ZNF236: variants seen among roughly 807,000 people sequenced by gnomAD.
The protein encoded by ZNF236 is regulated by glucose.
ZNF236 carries 50 observed loss-of-function variants against 191.2 expected under a neutral mutation model. The observed-to-expected ratio is 0.26, with a 90% CI of 0.21 to 0.33. The LOEUF (loss-of-function observed/expected upper bound fraction) is 0.33. ZNF236 is among the 10% of genes least tolerant of loss of function. The probability of loss-of-function intolerance (pLI) is 1.00; values close to 1 mark genes in which losing one functional copy is unlikely to be tolerated. For missense variants in ZNF236, 1,754 were observed against 2,374.5 expected, an observed-to-expected ratio of 0.74 and a Z score of 5.43; for synonymous variants, 907 against 928.8, an observed-to-expected ratio of 0.98 and a Z score of 0.43.
intron 3 of ZNF236, among the ~76,000 whole-genome samples, chr18:76,865,075 G>A (rs566806195): frequency 3.3e-4 from 50 of 152,300 alleles, no homozygotes; most frequent in Non-Finnish European, 6.0e-4. Context: ...GGTGGCTCAC[G>A]CCTGTAATCC....
In ZNF236 at chr18:76,895,104, C is replaced by G; in HGVS notation, c.1509C>G (p.Ile503Met). The G allele has an allele frequency of 6.2e-7, 1 of 1,611,988 alleles. No homozygotes were observed. Among genetic ancestry groups the G allele is most frequent in the Non-Finnish European group, 8.5e-7 (1 of 1,180,024 alleles). ...AGCCCAGCGACCTGGTCCGCCACAT[C>G]CGCATCCACACCCACGAGAAGCCCT... is the stretch of plus-strand genomic sequence containing the variant. ...FRKPSDLVRH[I>M]RIHTHEKPFK... is the part of the protein sequence containing the mutation. The change falls in exon 10 of 31, where the codon ATC becomes ATG. Residue 503 changes from isoleucine (I) to methionine (M), a missense_variant. Ile to Met is a conservative substitution (Grantham distance 10, BLOSUM62 1). Coordinates refer to ENST00000320610, the MANE Select transcript of ZNF236 (RefSeq NM_001306089.2).
intron 1 of ZNF236, among the ~76,000 whole-genome samples, chr18:76,823,740 G>T (rs1974934379): frequency 1.3e-5 from 2 of 152,248 alleles, no homozygotes; most frequent in Non-Finnish European, 2.9e-5. Flanking sequence ...CAAAGCCCCA[G>T]CCCGGAGCTT....
chr18:76,904,037 G>T (rs1977673088), intron 11 of ZNF236, among the ~76,000 whole-genome samples: 1 of 150,446 alleles, frequency 6.6e-6, no homozygotes, highest in African/African-American at 2.5e-5. Context: ...GAAAGTAAAT[G>T]TAGAAATTCA....
intron 25 of ZNF236, among the ~76,000 whole-genome samples, chr18:76,935,311 T>G (rs1412383589): frequency 6.6e-6 from 1 of 152,258 alleles, no homozygotes; most frequent in Admixed American, 6.5e-5. Context: ...TATTAAAGGT[T>G]CACTGTTTGA....
chr18:76,840,622 A>ATTTTTT (rs10659204), intron 1 of ZNF236, among the ~76,000 whole-genome samples: 2 of 115,482 alleles, frequency 1.7e-5, no homozygotes, highest in Non-Finnish European at 1.7e-5. Context: ...GTAAAGGTGA[A>ATTTTTT]TTTTTTTTTT....
At chr18:76,890,879 A>G (rs522657) in intron 9 of ZNF236, among the ~76,000 whole-genome samples, 64,115 of 151,894 alleles carry the variant, frequency 0.42, 13,620 homozygotes, top group East Asian at 0.53. Flanking sequence ...CTGCCACCCC[A>G]AGAGAGCAAG....
At chr18:76,860,708 C>G (rs894139083) in intron 3 of ZNF236, among the ~76,000 whole-genome samples, 10 of 152,222 alleles carry the variant, frequency 6.6e-5, no homozygotes, top group African/African-American at 2.4e-4. Flanking sequence ...TCGTCTCTTG[C>G]TGTTGTGGTT....
chr18:76,877,416 G>C lies in ZNF236; in HGVS notation c.841-593G>C, dbSNP rs192146318. On this transcript the variant is annotated intron_variant, in intron 6 of 30. Coordinates refer to ENST00000320610, the MANE Select transcript of ZNF236 (RefSeq NM_001306089.2). ...CCAGCTACTTGGGAGGCTGAGGCAG[G>C]AGAATCACTTGACCTGGGAGGTAGA... 8.9e-4 allele frequency among the ~76,000 whole-genome samples: 136 copies of C among 152,040 alleles called. 1 individual carries two copies. The highest frequency in any genetic ancestry group is 2.9e-3 in the African/African-American group (119 of 41,468).
intron 27 of ZNF236, among the ~76,000 whole-genome samples, chr18:76,948,784 T>C (rs2122923472): frequency 6.6e-6 from 1 of 152,256 alleles, no homozygotes; most frequent in Non-Finnish European, 1.5e-5. Flanking sequence ...GCCCGCGTGG[T>C]TGGGCTTAGC....
At chr18:76,950,147 T>G (rs1048767934) in intron 27 of ZNF236, among the ~76,000 whole-genome samples, 2 of 152,176 alleles carry the variant, frequency 1.3e-5, no homozygotes, top group South Asian at 2.1e-4. Context: ...TGACGATTTC[T>G]TAAAATAAGA....
chr18:76,827,817 T>G (rs1975059167), intron 1 of ZNF236, among the ~76,000 whole-genome samples: 1 of 152,176 alleles, frequency 6.6e-6, no homozygotes, highest in African/African-American at 2.4e-5. Flanking sequence ...ATGAGTGAGA[T>G]ATGCTTTTTT....
chr18:76,871,726 C>T lies in ZNF236; in HGVS notation c.568C>T (p.Arg190Trp), dbSNP rs777645762. 13 of 1,613,992 alleles carry T rather than the reference C, an allele frequency of 8.1e-6. No individual in the cohort carries two copies. The highest frequency in any genetic ancestry group is 1.1e-5 in the South Asian group (1 of 91,090). Residue 190 changes from arginine (R) to tryptophan (W), a missense_variant, in exon 5 of 31, where the codon CGG (arginine) becomes TGG (tryptophan). Around this residue, in one of 5 missense-constraint regions of ZNF236, gnomAD observed 336 missense variants for 495.1 expected, o/e 0.68. Transcript: ENST00000320610. ...GGTATCAAGTACAAGGTCTTATAAC[C>T]GGAATATCGACAGAAGTGGATTCAC... ...IRVSSTRSYN[R>W]NIDRSGFTYS...
At chr18:76,924,599 T>C (rs1316710527) in intron 21 of ZNF236, among the ~76,000 whole-genome samples, 1 of 152,226 alleles carries the variant, frequency 6.6e-6, no homozygotes, top group Non-Finnish European at 1.5e-5. Context: ...GAGCCTATGC[T>C]CATGGTGCTC....
chr18:76,871,628 A>G, intron 4 of ZNF236, 73 bp from the exon 5 acceptor site: 1 of 1,584,516 alleles, frequency 6.3e-7, no homozygotes, highest in East Asian at 2.3e-5. Context: ...ATTTTCTGGT[A>G]GGATTTTCAT....
chr18:76,868,919 C>T lies in ZNF236; in HGVS notation c.542+56C>T, dbSNP rs890280787. 16 of 1,495,308 alleles carry T rather than the reference C, an allele frequency of 1.1e-5. No homozygotes were observed. The African/African-American group carries it at 1.3e-4, about 12-fold the overall frequency. 92.6% of individuals were successfully genotyped at this position (1,495,308 alleles called of 1,614,324 possible). On this transcript the variant is annotated intron_variant, in intron 4 of 30. Coordinates refer to ENST00000320610, the MANE Select transcript of ZNF236 (RefSeq NM_001306089.2). ...ATCCATCTAATATGTTAAAAGCTGG[C>T]GCACTTTGGTACGACCCACTGGAAA...
rs551325781 is a variant in ZNF236, at chr18:76,880,772, G to A, written c.1188+456G>A. Among the ~76,000 whole-genome samples, 8 of 152,222 alleles carry A rather than the reference G, an allele frequency of 5.3e-5. No homozygotes were observed. In the South Asian group the frequency reaches 8.3e-4, roughly 16 times the overall value. Reference sequence around the variant, plus strand: ...TGTGGGAGAGGAGGGGGGCAGGAGCGCAGAGCCCCCAGCTTTCTAGTCCAC... The same window carrying A: ...TGTGGGAGAGGAGGGGGGCAGGAGCACAGAGCCCCCAGCTTTCTAGTCCAC... On this transcript the variant is annotated intron_variant, in intron 8 of 30. Coordinates refer to ENST00000320610, the MANE Select transcript of ZNF236 (RefSeq NM_001306089.2). This position sits in a 1 kb window ranked among gnomAD's most constrained non-coding sequence, Gnocchi z 5.0.
intron 9 of ZNF236, among the ~76,000 whole-genome samples, chr18:76,894,215 TAAAC>T (rs927209105): frequency 1.3e-5 from 2 of 152,194 alleles, no homozygotes; most frequent in African/African-American, 4.8e-5. Context: ...ATTCCAGAAA[TAAAC>T]AATTCATAAG....
At chr18:76,830,686 G>A (rs1396077904) in intron 1 of ZNF236, among the ~76,000 whole-genome samples, 1 of 152,176 alleles carries the variant, frequency 6.6e-6, no homozygotes, top group Non-Finnish European at 1.5e-5. Flanking sequence ...GCAAGTTTAC[G>A]AATTTGTGTT....
rs1170432798 is a variant in ZNF236, at chr18:76,925,419, G to A, written c.3892G>A (p.Val1298Ile). 6.2e-7 allele frequency: 1 copy of A among 1,614,084 alleles called. No individual in the cohort carries two copies. Among genetic ancestry groups the A allele is most frequent in the East Asian group, 2.2e-5 (1 of 44,890 alleles). ...AAGCTCATCGGAAGGACTGCAGCCT[G>A]TAAACCTCCTCAACTCCTCCTCTAC... ...TRSSSEGLQP[V>I]NLLNSSSTDP... The change falls in exon 22 of 31, where the codon GTA becomes ATA. Residue 1298 changes from valine (V) to isoleucine (I), a missense_variant. By Grantham distance (29) the Val-to-Ile change is conservative (BLOSUM62 3). This residue lies in a region of ZNF236 where 606 missense variants were observed against 761.5 expected (regional missense o/e 0.80). Transcript: ENST00000320610. This position sits in a 1 kb window ranked among gnomAD's most constrained non-coding sequence, Gnocchi z 5.7.
Sources: allele counts gnomAD v4.1 joint callset (sites outside exome capture counted in the v4.1 genomes callset), GRCh38; gene constraint gnomAD v4.1.1; regional missense constraint gnomAD v4.1.1; non-coding constraint Gnocchi (gnomAD v3.1); transcripts MANE v1.5; gene names NCBI Gene and HGNC (gene_info 2026-07-23, HGNC 2026-07-21).